The following ADAMTS3 variants were observed in gnomAD, a reference collection of about 807,000 sequenced individuals.
ADAMTS3 encodes the protein ADAM metallopeptidase with thrombospondin type 1 motif 3.
ADAMTS3 carries 73 observed loss-of-function variants against 129.0 expected under a neutral mutation model. That is an observed-to-expected ratio of 0.57 (90% CI 0.47 to 0.69). The LOEUF is 0.69. Among genes scored for constraint, ADAMTS3 ranks in the 30% least tolerant of loss-of-function variants. The pLI, the probability that ADAMTS3 is intolerant of heterozygous loss-of-function variation, is 0.00. For missense variants in ADAMTS3, 1,457 were observed against 1,514.5 expected (o/e 0.96, Z 0.63); for synonymous variants, 477 against 510.8 (o/e 0.93, Z 0.89).
intron 4 of ADAMTS3, among the ~76,000 whole-genome samples, chr4:72,393,959 T>C (rs1721664148): frequency 6.6e-6 from 1 of 152,224 alleles, no homozygotes; most frequent in African/African-American, 2.4e-5. Context: ...AAAAGTAAAC[T>C]GTCTAAACAG....
intron 4 of ADAMTS3, among the ~76,000 whole-genome samples, chr4:72,374,721 T>G (rs1380807605): frequency 6.6e-6 from 1 of 152,202 alleles, no homozygotes; most frequent in African/African-American, 2.4e-5. Flanking sequence ...TTGCATAGTT[T>G]CTTGGTTTAA....
In ADAMTS3 at chr4:72,283,703, A is replaced by T; in HGVS notation, c.3051T>A (p.Asp1017Glu). 6.5e-7 allele frequency: 1 copy of T among 1,547,464 alleles called. No individual in the cohort carries two copies. Among genetic ancestry groups the T allele is most frequent in the Non-Finnish European group, 8.7e-7 (1 of 1,144,830 alleles). Residue 1017 changes from aspartate (D) to glutamate (E), a missense_variant and splice_region_variant, in exon 22 of 22, where the codon GAT (aspartate) becomes GAA (glutamate). By Grantham distance (45) the Asp-to-Glu change is conservative (BLOSUM62 2). Transcript: ENST00000286657. Reference sequence around the variant, plus strand: ...TGGACTTGTCTCCCAAACATGGTTCATCTGCAAAAATAAAAAGAAAATAAA... The same window carrying T: ...TGGACTTGTCTCCCAAACATGGTTCTTCTGCAAAAATAAAAAGAAAATAAA... Reference protein sequence around the residue: ...VRACQLPPCNDEPCLGDKSIF... With the variant: ...VRACQLPPCNEEPCLGDKSIF...
In ADAMTS3 at chr4:72,425,374, T is replaced by G. The variant is rs144451029; in HGVS notation, c.505-10403A>C. Among the ~76,000 whole-genome samples, 928 of 152,290 alleles carry G rather than the reference T, an allele frequency of 6.1e-3. 4 individuals are homozygous for G. Among genetic ancestry groups the G allele is most frequent in the African/African-American group, 0.021 (884 of 41,576 alleles). On this transcript the variant is annotated intron_variant, in intron 3 of 21. Transcript: ENST00000286657. The stretch of plus-strand genomic sequence containing the variant: ...TATACTTTACATTTTAGGGTACATG[T>G]GCACAATGTGCAGGTTAGTTACACA...
intron 17 of ADAMTS3, among the ~76,000 whole-genome samples, chr4:72,301,488 G>C (rs1718948360): frequency 6.6e-6 from 1 of 152,056 alleles, no homozygotes; most frequent in Admixed American, 6.6e-5. Flanking sequence ...TTTCAAAATG[G>C]AACTAATTTT....
intron 2 of ADAMTS3, among the ~76,000 whole-genome samples, chr4:72,567,009 T>C (rs918687997): frequency 2.6e-5 from 4 of 152,200 alleles, no homozygotes; most frequent in African/African-American, 9.7e-5. Context: ...TTGCCTTCTG[T>C]TGTACTCAAA....
chr4:72,413,470 A>G (rs1722229597), intron 4 of ADAMTS3, among the ~76,000 whole-genome samples: 1 of 152,044 alleles, frequency 6.6e-6, no homozygotes. Context: ...AAGAATATGA[A>G]AATTGAGTAT....
intron 5 of ADAMTS3, among the ~76,000 whole-genome samples, chr4:72,331,173 CAT>C (rs1027090519): frequency 6.6e-6 from 1 of 152,120 alleles, no homozygotes; most frequent in Admixed American, 6.5e-5. Context: ...GTTAAGGTAA[CAT>C]GTGATGTGGG....
chr4:72,492,073 G>T (rs1006631321), intron 3 of ADAMTS3, among the ~76,000 whole-genome samples: 2 of 151,408 alleles, frequency 1.3e-5, no homozygotes, highest in African/African-American at 4.8e-5. Flanking sequence ...TTATAATAGT[G>T]CCTATGATTT....
At chr4:72,290,253 T>C (rs1718620713) in intron 20 of ADAMTS3, among the ~76,000 whole-genome samples, 1 of 151,828 alleles carries the variant, frequency 6.6e-6, no homozygotes, top group Admixed American at 6.5e-5. Flanking sequence ...ATCAGAGTTA[T>C]AATACTCTGT....
intron 3 of ADAMTS3, among the ~76,000 whole-genome samples, chr4:72,480,133 G>A (rs1719388297): frequency 6.6e-6 from 1 of 152,214 alleles, no homozygotes. Context: ...GGAAGTCAGT[G>A]TGGCGATTCC....
At chr4:72,508,645 C>G (rs961859858) in intron 3 of ADAMTS3, among the ~76,000 whole-genome samples, 1 of 151,974 alleles carries the variant, frequency 6.6e-6, no homozygotes, top group African/African-American at 2.4e-5. Flanking sequence ...TCAGTCATAG[C>G]TATTCATTAT....
chr4:72,485,851 C>A (rs1305990877), intron 3 of ADAMTS3, among the ~76,000 whole-genome samples: 3 of 152,162 alleles, frequency 2.0e-5, no homozygotes, highest in Non-Finnish European at 2.9e-5. Context: ...GAGATTAGTG[C>A]CCTTATAAAA....
chr4:72,414,150 A>AT (rs922840366), intron 4 of ADAMTS3, among the ~76,000 whole-genome samples: 1 of 151,316 alleles, frequency 6.6e-6, no homozygotes, highest in Non-Finnish European at 1.5e-5. Flanking sequence ...AGATTCCTAA[A>AT]TTTTTTTTTC....
At chr4:72,439,756 C>T (rs547171475) in intron 3 of ADAMTS3, among the ~76,000 whole-genome samples, 8 of 151,644 alleles carry the variant, frequency 5.3e-5, no homozygotes, top group Non-Finnish European at 1.0e-4. Flanking sequence ...AAATGTGTAC[C>T]TACAGTTGCT....
intron 4 of ADAMTS3, among the ~76,000 whole-genome samples, chr4:72,359,589 A>AT (rs1308842390): frequency 1.3e-5 from 2 of 151,930 alleles, no homozygotes; most frequent in African/African-American, 4.8e-5. Flanking sequence ...ACACAGTTAC[A>AT]TTTTTTCCCC....
chr4:72,377,716 TA>T (rs1456613006), intron 4 of ADAMTS3, among the ~76,000 whole-genome samples: 1 of 152,188 alleles, frequency 6.6e-6, no homozygotes, highest in Non-Finnish European at 1.5e-5. Context: ...CTTGATGATC[TA>T]AGTGGCCTTT....
At position 72,548,765 on chromosome 4, in the gene ADAMTS3, C is replaced by T. The variant is rs199526921; in HGVS notation, c.217G>A (p.Val73Met). ...AACAACTGCTCAGGGTTGGAAGACA[C>T]GTCCCTCGCTGACCTCTTTTTGTGA... The part of the protein sequence containing the change: ...ASHKKRSARD[V>M]SSNPEQLFFN... Residue 73 changes from valine to methionine, a missense_variant, in exon 3 of 22, where the codon GTG (valine) becomes ATG (methionine). By Grantham distance (21) the Val-to-Met change is conservative (BLOSUM62 1). Transcript: ENST00000286657. 207 of 1,613,930 alleles carry T rather than the reference C, an allele frequency of 1.3e-4. No homozygotes were observed. The highest frequency in any genetic ancestry group is 1.6e-4 in the Non-Finnish European group (193 of 1,179,890).
intron 4 of ADAMTS3, among the ~76,000 whole-genome samples, chr4:72,393,633 G>A (rs1226108741): frequency 6.6e-6 from 1 of 152,066 alleles, no homozygotes; most frequent in African/African-American, 2.4e-5. Flanking sequence ...GACATATGAT[G>A]ATAACATATA....
intron 3 of ADAMTS3, among the ~76,000 whole-genome samples, chr4:72,476,716 T>TCA (rs1198333519): frequency 3.9e-5 from 6 of 152,000 alleles, no homozygotes; most frequent in African/African-American, 1.4e-4. Context: ...CACATCAACA[T>TCA]TCCTCATAAA....
Sources: allele counts gnomAD v4.1 joint callset (sites outside exome capture counted in the v4.1 genomes callset), GRCh38; gene constraint gnomAD v4.1.1; transcripts MANE v1.5; gene names NCBI Gene and HGNC (gene_info 2026-07-23, HGNC 2026-07-21).